Variants in CDH12 observed in about 807,000 individuals in gnomAD.
CDH12 encodes the protein cadherin 12.
In CDH12, 41 loss-of-function variants were observed where a neutral mutation model predicts 74.1. The ratio of observed to expected loss-of-function variants is 0.55; its 90% CI spans 0.43 to 0.72. CDH12 has a LOEUF of 0.72. Among genes scored for constraint, CDH12 ranks in the 30% least tolerant of loss-of-function variants. The pLI, the probability that CDH12 is intolerant of heterozygous loss-of-function variation, is 0.00. For synonymous variants in CDH12, 399 were observed against 355.0 expected, an observed-to-expected ratio of 1.12 and a Z score of -1.39; for missense variants, 945 against 977.2, an observed-to-expected ratio of 0.97 and a Z score of 0.44.
chr5:22,670,669 A>C (rs1740856381), intron 1 of CDH12, among the ~76,000 whole-genome samples: 1 of 152,080 alleles, frequency 6.6e-6, no homozygotes, highest in Non-Finnish European at 1.5e-5. Flanking sequence ...AGAGTTCATA[A>C]GTATTTCCTT....
chr5:22,138,531 G>A (rs1459526723), intron 4 of CDH12, among the ~76,000 whole-genome samples: 3 of 151,012 alleles, frequency 2.0e-5, no homozygotes, highest in Admixed American at 6.6e-5. Flanking sequence ...AAAACAAAAT[G>A]AATGTCTTCC....
At chr5:22,259,502 C>T (rs1753438645) in intron 3 of CDH12, among the ~76,000 whole-genome samples, 1 of 151,998 alleles carries the variant, frequency 6.6e-6, no homozygotes, top group Non-Finnish European at 1.5e-5. Flanking sequence ...AGCCATCGTT[C>T]TAATTATGAA....
chr5:22,614,235 C>T (rs187038099), intron 1 of CDH12, among the ~76,000 whole-genome samples: 6 of 151,966 alleles, frequency 3.9e-5, no homozygotes, highest in African/African-American at 9.7e-5. Flanking sequence ...ACAATGAGGG[C>T]GAGATATCAA....
intron 4 of CDH12, among the ~76,000 whole-genome samples, chr5:22,132,508 C>T (rs1746228399): frequency 6.6e-6 from 1 of 151,520 alleles, no homozygotes; most frequent in Non-Finnish European, 1.5e-5. Flanking sequence ...ACACAGCAGC[C>T]TTGTGCAAGA....
intron 1 of CDH12, among the ~76,000 whole-genome samples, chr5:22,582,260 A>T (rs1740145605): frequency 6.6e-6 from 1 of 151,094 alleles, no homozygotes; most frequent in South Asian, 2.1e-4. Flanking sequence ...AATATAGATG[A>T]CATACTATTT....
intron 1 of CDH12, among the ~76,000 whole-genome samples, chr5:22,785,688 T>G (rs2126363778): frequency 6.6e-6 from 1 of 152,200 alleles, no homozygotes; most frequent in Admixed American, 6.5e-5. Context: ...TGGCTAATTT[T>G]TGCACCTTTT....
At chr5:21,849,204 C>T (rs899092392) in intron 7 of CDH12, among the ~76,000 whole-genome samples, 20 of 151,974 alleles carry the variant, frequency 1.3e-4, no homozygotes, top group African/African-American at 4.8e-4. Flanking sequence ...GCACAGAATA[C>T]ATCTAGTTCC....
At position 22,153,903 on chromosome 5, in the gene CDH12, T is replaced by TACGC. The variant is rs1554015774; in HGVS notation, c.-187+58594_-187+58595insGCGT. 2.7e-5 allele frequency among the ~76,000 whole-genome samples: 3 copies of TACGC among 111,162 alleles called. No individual in the cohort carries two copies. In the Admixed American group the frequency reaches 2.7e-4, roughly 10 times the overall value. The allele number at this position is 111,162 out of a possible 152,430, so 72.9% of individuals were successfully genotyped here. On this transcript the variant is annotated intron_variant, in intron 4 of 14. Coordinates refer to ENST00000382254, the MANE Select transcript of CDH12 (RefSeq NM_004061.5). ...ATATATATATAAATATATATATATATACACACACATACACACACACACACA... is the reference window on the plus strand; with the variant it reads ...ATATATATATAAATATATATATATATACGCACACACACATACACACACACACACA...
At chr5:22,624,959 A>G (rs1580827636) in intron 1 of CDH12, among the ~76,000 whole-genome samples, 1 of 152,352 alleles carries the variant, frequency 6.6e-6, no homozygotes, top group South Asian at 2.1e-4. Flanking sequence ...GCACATATAC[A>G]CCATGGAATA....
At chr5:22,020,554 CAAAA>C (rs113531853) in intron 5 of CDH12, among the ~76,000 whole-genome samples, 1 of 114,244 alleles carries the variant, frequency 8.8e-6, no homozygotes. Flanking sequence ...GACTTCGTTT[CAAAA>C]AAAAAAAAAA....
chr5:21,858,920 A>G (rs951218669), intron 6 of CDH12, among the ~76,000 whole-genome samples: 4 of 151,924 alleles, frequency 2.6e-5, no homozygotes, highest in African/African-American at 7.2e-5. Context: ...ACATTGTGGA[A>G]TGACTAAACT....
intron 11 of CDH12, among the ~76,000 whole-genome samples, chr5:21,781,360 T>G (rs978172215): frequency 6.6e-6 from 1 of 152,036 alleles, no homozygotes; most frequent in Non-Finnish European, 1.5e-5. Flanking sequence ...CAGCAAATAA[T>G]TCACAAAATT....
chr5:22,550,689 C>T (rs574142440), intron 1 of CDH12, among the ~76,000 whole-genome samples: 1 of 152,336 alleles, frequency 6.6e-6, no homozygotes, highest in Admixed American at 6.5e-5. Context: ...CCATTACAGA[C>T]CATTCTCCAT....
At chr5:22,775,503 T>G (rs1377567106) in intron 1 of CDH12, among the ~76,000 whole-genome samples, 1 of 151,964 alleles carries the variant, frequency 6.6e-6, no homozygotes, top group Non-Finnish European at 1.5e-5. Context: ...TTTGGAAAAT[T>G]AAAATATTAA....
At chr5:22,510,644 C>T (rs986894538) in intron 1 of CDH12, among the ~76,000 whole-genome samples, 4 of 152,090 alleles carry the variant, frequency 2.6e-5, no homozygotes, top group African/African-American at 9.7e-5. Context: ...CTATGCACAT[C>T]TCCTGTATTC....
At position 21,803,268 on chromosome 5, in the gene CDH12, A is replaced by AT. The variant is rs530630841; in HGVS notation, c.1003-849dup. ...CTTTTGGATGTCTAGATCTTTTTTTATTTTTTTTACTAGTAAATGTCTGTA... is the reference window on the plus strand; with the variant it reads ...CTTTTGGATGTCTAGATCTTTTTTTATTTTTTTTTACTAGTAAATGTCTGTA... On this transcript the variant is annotated intron_variant, in intron 9 of 14. Transcript: ENST00000382254. Among the ~76,000 whole-genome samples the AT allele has an allele frequency of 3.9e-4, 59 of 151,548 alleles. No homozygotes were observed. The South Asian group carries it at 5.0e-3, about 13-fold the overall frequency.
At chr5:21,865,393 G>A (rs1025075549) in intron 6 of CDH12, among the ~76,000 whole-genome samples, 2 of 152,134 alleles carry the variant, frequency 1.3e-5, no homozygotes, top group Admixed American at 6.6e-5. Flanking sequence ...TGGAAAGAAG[G>A]GGGGCAGGTG....
chr5:22,175,165 A>G (rs992885485), intron 4 of CDH12, among the ~76,000 whole-genome samples: 1 of 152,104 alleles, frequency 6.6e-6, no homozygotes, highest in Admixed American at 6.6e-5. Flanking sequence ...TCTCATAAAT[A>G]AATTTAGTTC....
intron 1 of CDH12, among the ~76,000 whole-genome samples, chr5:22,732,406 G>A (rs1744469815): frequency 6.6e-6 from 1 of 151,014 alleles, no homozygotes; most frequent in African/African-American, 2.4e-5. Flanking sequence ...TCAACATATG[G>A]ATTTGAGAGG....
Sources: allele counts gnomAD v4.1 joint callset (sites outside exome capture counted in the v4.1 genomes callset), GRCh38; gene constraint gnomAD v4.1.1; transcripts MANE v1.5; gene names NCBI Gene and HGNC (gene_info 2026-07-23, HGNC 2026-07-21).